Variants in EDEM3 observed in about 807,000 individuals in gnomAD.
EDEM3 encodes the protein ER degradation-enhancing alpha-mannosidase-like protein 3.
EDEM3 carries 60 observed loss-of-function variants against 110.2 expected under a neutral mutation model. The observed-to-expected ratio is 0.54, with a 90% CI of 0.44 to 0.67. The LOEUF (loss-of-function observed/expected upper bound fraction) is 0.67. Ranked by LOEUF, EDEM3 falls within the 30% of genes least tolerant of loss-of-function variation. The probability of loss-of-function intolerance (pLI) is 0.00; values close to 1 mark genes in which losing one functional copy is unlikely to be tolerated. For missense variants in EDEM3, 996 were observed against 1,121.0 expected (o/e 0.89, Z 1.59); for synonymous variants, 352 against 382.9 (o/e 0.92, Z 0.94).
rs1649077860 is a variant in EDEM3, at chr1:184,691,834, C to CT, written c.*2228dup. 1 of 151,824 alleles carries CT rather than the reference C, an allele frequency of 6.6e-6. No individual in the cohort carries two copies. The highest frequency in any genetic ancestry group is 6.6e-5 in the Admixed American group (1 of 15,232). The allele number at this position is 151,824 out of a possible 1,614,324, so 9.4% of individuals were successfully genotyped here. On this transcript the variant is annotated 3_prime_UTR_variant, in exon 20 of 20. Transcript: ENST00000318130. ...AAAATTGGTTAAATTTTTTCCTTTT[C>CT]TTTTTTTAAGGATTTACTTTTCTTA... is the stretch of plus-strand genomic sequence containing the variant.
At chr1:184,744,093 T>C (rs1212739722) in intron 2 of EDEM3, among the ~76,000 whole-genome samples, 2 of 151,466 alleles carry the variant, frequency 1.3e-5, no homozygotes, top group African/African-American at 4.8e-5. Flanking sequence ...GGATTGATCA[T>C]AATTTAAAGT....
Position 184,694,479 on chromosome 1 carries a change from G to A in EDEM3, c.2390-7C>T. 6.3e-7 allele frequency: 1 copy of A among 1,581,050 alleles called. No individual in the cohort carries two copies. Among genetic ancestry groups the A allele is most frequent in the Non-Finnish European group, 8.6e-7 (1 of 1,164,702 alleles). ...TCATTTTCCATTTCAGGATCTGTAT[G>A]AGAAAGAAACAAACCTCATGCTACT... is the stretch of plus-strand genomic sequence containing the variant. On this transcript the variant is annotated splice_region_variant and splice_polypyrimidine_tract_variant and intron_variant, in intron 19 of 19. Coordinates refer to ENST00000318130, the MANE Select transcript of EDEM3 (RefSeq NM_025191.4).
chr1:184,737,380 ATATTT>A (rs1405495144), intron 3 of EDEM3, among the ~76,000 whole-genome samples: 1 of 152,228 alleles, frequency 6.6e-6, no homozygotes, highest in African/African-American at 2.4e-5. Flanking sequence ...AAAGTTACAT[ATATTT>A]TAAGTTATAT....
chr1:184,726,209 T>C (rs763496964), intron 7 of EDEM3, 46 bp downstream of exon 7: 2 of 1,589,090 alleles, frequency 1.3e-6, no homozygotes, highest in Admixed American at 1.7e-5. Flanking sequence ...GATATAAAGG[T>C]AGTTATGCCC....
At chr1:184,723,655 T>C (rs1302405875) in intron 8 of EDEM3, 96 bp downstream of exon 8, 27 of 1,012,702 alleles carry the variant, frequency 2.7e-5, no homozygotes, top group African/African-American at 6.6e-5. Flanking sequence ...CTATGCTTTA[T>C]AGTATCCCAA....
chr1:184,695,502 T>C (rs1401111026), intron 19 of EDEM3, among the ~76,000 whole-genome samples: 1 of 152,086 alleles, frequency 6.6e-6, no homozygotes, highest in Non-Finnish European at 1.5e-5. Flanking sequence ...TCCTCCCATG[T>C]ACTTTAAATC....
intron 15 of EDEM3, among the ~76,000 whole-genome samples, chr1:184,711,487 CATAAA>C (rs1164160859): frequency 1.2e-4 from 18 of 152,156 alleles, no homozygotes; most frequent in East Asian, 9.7e-4. Context: ...TACCTTAGTT[CATAAA>C]ATAAAAGATA....
At chr1:184,745,292 C>T (rs1309617038) in intron 2 of EDEM3, among the ~76,000 whole-genome samples, 1 of 151,838 alleles carries the variant, frequency 6.6e-6, no homozygotes, top group African/African-American at 2.4e-5. Flanking sequence ...GGAACAATGA[C>T]TCATAGATGA....
In EDEM3 at chr1:184,734,657, A is replaced by T; in HGVS notation, c.346-14T>A. On this transcript the variant is annotated splice_polypyrimidine_tract_variant and intron_variant, in intron 4 of 19. Coordinates refer to ENST00000318130, the MANE Select transcript of EDEM3 (RefSeq NM_025191.4). ...TTTATTTAAAACCTGGGAGAAGAAA[A>T]TTATGAAATAAAGTTCTTTTCTACC... The T allele has an allele frequency of 8.9e-7, 1 of 1,125,692 alleles. No homozygotes were observed. Among genetic ancestry groups the T allele is most frequent in the Admixed American group, 2.3e-5 (1 of 42,888 alleles). The allele number at this position is 1,125,692 out of a possible 1,614,324, so 69.7% of individuals were successfully genotyped here. A position where few individuals can be genotyped will look rare whatever the true frequency, so the allele number is the denominator to read the frequency against.
intron 2 of EDEM3, among the ~76,000 whole-genome samples, chr1:184,747,197 CTT>C (rs1215833262): frequency 1.3e-5 from 2 of 152,106 alleles, no homozygotes; most frequent in South Asian, 4.1e-4. Context: ...TACAATAACT[CTT>C]TGCAATTATT....
Position 184,708,158 on chromosome 1 carries a change from T to C in EDEM3, c.2032A>G (p.Lys678Glu). 1 of 1,610,268 alleles carries C rather than the reference T, an allele frequency of 6.2e-7. No homozygotes were observed. Among genetic ancestry groups the C allele is most frequent in the South Asian group, 1.1e-5 (1 of 90,226 alleles). The change falls in exon 17 of 20, where the codon AAA becomes GAA. Residue 678 changes from lysine to glutamate, a missense_variant. Lys to Glu is a moderately conservative substitution (Grantham distance 56, BLOSUM62 1). Around this residue, in one of 5 missense-constraint regions of EDEM3, gnomAD observed 345 missense variants for 402.0 expected, o/e 0.86. Coordinates refer to ENST00000318130, the MANE Select transcript of EDEM3 (RefSeq NM_025191.4). ...TATATTTTAAGTATACATACCTCTT[T>C]ATGTTTAGACAGATCCAGCCCAAAC... ...AQFGLDLSKH[K>E]ETRGFVASSK...
intron 19 of EDEM3, among the ~76,000 whole-genome samples, chr1:184,695,483 T>G (rs538347444): frequency 6.6e-6 from 1 of 152,176 alleles, no homozygotes; most frequent in African/African-American, 2.4e-5. Flanking sequence ...TGCATATAAC[T>G]GACACACATC....
chr1:184,713,025 T>C (rs766759860), intron 13 of EDEM3, among the ~76,000 whole-genome samples: 12 of 152,182 alleles, frequency 7.9e-5, no homozygotes, highest in Non-Finnish European at 1.5e-4. Flanking sequence ...ATTTAAGTGA[T>C]TTAAAAAGAA....
chr1:184,693,968 T>A lies in EDEM3; in HGVS notation c.*95A>T. The A allele has an allele frequency of 2.3e-6, 3 of 1,321,730 alleles. No homozygotes were observed. The South Asian group carries it at 4.5e-5, about 20-fold the overall frequency. 81.9% of individuals were successfully genotyped at this position (1,321,730 alleles called of 1,614,324 possible). A position where few individuals can be genotyped will look rare whatever the true frequency, so the allele number is the denominator to read the frequency against. On this transcript the variant is annotated 3_prime_UTR_variant, in exon 20 of 20. Transcript: ENST00000318130. ...GTTGTTCATCACCATACTTAAAGCC[T>A]CCCATTAGAAAGCCTGCTTAGTATT...
In EDEM3 at chr1:184,719,359, T is replaced by C. The variant is rs576968922; in HGVS notation, c.1077+84A>G. On this transcript the variant is annotated intron_variant, in intron 10 of 19. Transcript: ENST00000318130. ...ACAATTCTGAACTGCAACTATGTTT[T>C]GTAGTTCAGTTTTAAAGATCAAAAA... 2.6e-6 allele frequency: 4 copies of C among 1,550,964 alleles called. No homozygotes were observed. The South Asian group carries it at 5.0e-5, about 19-fold the overall frequency.
At chr1:184,720,108 A>G (rs1413694167) in intron 9 of EDEM3, among the ~76,000 whole-genome samples, 2 of 152,180 alleles carry the variant, frequency 1.3e-5, no homozygotes, top group Admixed American at 1.3e-4. Context: ...TTCTTCTCCT[A>G]GATATTTCTC....
intron 11 of EDEM3, among the ~76,000 whole-genome samples, chr1:184,718,606 G>T (rs952022358): frequency 1.3e-5 from 2 of 152,048 alleles, no homozygotes; most frequent in Non-Finnish European, 2.9e-5. Context: ...AAGCCAAAAA[G>T]TATGCTATTA....
At chr1:184,716,781 T>C (rs1650574148) in intron 13 of EDEM3, 107 bp downstream of exon 13, 1 of 1,434,668 alleles carries the variant, frequency 7.0e-7, no homozygotes, top group Admixed American at 2.2e-5. Context: ...AACAAAGGTT[T>C]CTATCCTTTG....
rs759915488 is a variant in EDEM3, at chr1:184,690,607, GTACA to G, written c.*3452_*3455del. The G allele has an allele frequency of 4.6e-5, 7 of 152,592 alleles. No individual in the cohort carries two copies. The highest frequency in any genetic ancestry group is 1.0e-4 in the Non-Finnish European group (7 of 67,998). The allele number at this position is 152,592 out of a possible 1,614,324, so 9.5% of individuals were successfully genotyped here. On this transcript the variant is annotated 3_prime_UTR_variant, in exon 20 of 20. Coordinates refer to ENST00000318130, the MANE Select transcript of EDEM3 (RefSeq NM_025191.4). ...ATTTTGCCCAGACTTTTACATCACA[GTACA>G]TAGTTTCCCTTAGAAATATTGTATA...
Sources: allele counts gnomAD v4.1 joint callset (sites outside exome capture counted in the v4.1 genomes callset), GRCh38; gene constraint gnomAD v4.1.1; regional missense constraint gnomAD v4.1.1; transcripts MANE v1.5; gene names NCBI Gene and HGNC (gene_info 2026-07-23, HGNC 2026-07-21).